Variants in NCAM1 observed in about 807,000 individuals in gnomAD.
NCAM1 encodes the protein neural cell adhesion molecule 1, also known as antigen recognized by monoclonal antibody 5.1H11.
A neutral mutation model predicts 109.8 loss-of-function variants in NCAM1; 14 were observed. That is an observed-to-expected ratio of 0.13 (90% CI 0.08 to 0.20). NCAM1 has a LOEUF of 0.20. NCAM1 is among the 10% of genes least tolerant of loss of function. NCAM1 has a pLI of 1.00. For synonymous variants in NCAM1, 418 were observed against 442.9 expected, an observed-to-expected ratio of 0.94 and a Z score of 0.70; for missense variants, 774 against 1,109.9, an observed-to-expected ratio of 0.70 and a Z score of 4.30.
chr11:113,066,897 C>T (rs1332406249), intron 1 of NCAM1, among the ~76,000 whole-genome samples: 2 of 149,404 alleles, frequency 1.3e-5, no homozygotes, highest in Non-Finnish European at 3.0e-5. Context: ...CCAGTTGCTC[C>T]GGAGGCTGAG....
chr11:113,271,709 G>A (rs1220382822), intron 18 of NCAM1, 51 bp from the exon 19 acceptor site: 428 of 1,403,854 alleles, frequency 3.0e-4, no homozygotes, highest in Non-Finnish European at 3.9e-4. Context: ...TTCCGTGGGA[G>A]CCCCTCCCTG....
intron 1 of NCAM1, 46 bp from the exon 2 acceptor site, chr11:113,202,332 GT>G (rs112087457): frequency 5.3e-5 from 73 of 1,383,446 alleles, no homozygotes; most frequent in South Asian, 2.4e-4. Flanking sequence ...AACTTTGTGG[GT>G]TTTTTTTTGT....
In NCAM1 at chr11:113,232,767, T is replaced by G; in HGVS notation, c.1475T>G (p.Val492Gly). 6.2e-7 allele frequency: 1 copy of G among 1,613,970 alleles called. No individual in the cohort carries two copies. The highest frequency in any genetic ancestry group is 8.5e-7 in the Non-Finnish European group (1 of 1,179,878). Reference protein sequence around the residue: ...NDFGNYNCTAVNRIGQESLEF... With the variant: ...NDFGNYNCTAGNRIGQESLEF... ...TTTGGGAACTACAACTGTACTGCAGTGAACCGCATTGGGCAGGAGTCCTTG... is the reference window on the plus strand; with the variant it reads ...TTTGGGAACTACAACTGTACTGCAGGGAACCGCATTGGGCAGGAGTCCTTG... Residue 492 changes from valine to glycine, a missense_variant, in exon 12 of 20, where the codon GTG becomes GGG. By Grantham distance (109) the Val-to-Gly change is moderately radical (BLOSUM62 -3). Around this residue, in one of 4 missense-constraint regions of NCAM1, gnomAD observed 523 missense variants for 784.2 expected, o/e 0.67. Coordinates refer to ENST00000316851, the MANE Select transcript of NCAM1 (RefSeq NM_181351.5).
At chr11:113,139,626 G>C (rs1284423631) in intron 1 of NCAM1, among the ~76,000 whole-genome samples, 1 of 151,942 alleles carries the variant, frequency 6.6e-6, no homozygotes, top group Non-Finnish European at 1.5e-5. Context: ...CTTAGCTAAA[G>C]TATTTGGTAT....
chr11:113,087,956 T>G (rs17114786), intron 1 of NCAM1, among the ~76,000 whole-genome samples: 7,765 of 152,268 alleles, frequency 0.051, 579 homozygotes, highest in Admixed American at 0.17. Context: ...AGTGCAGTGT[T>G]CTTTTCAGGT....
chr11:113,108,424 T>A (rs1176977229), intron 1 of NCAM1, among the ~76,000 whole-genome samples: 8 of 152,230 alleles, frequency 5.3e-5, no homozygotes, highest in Admixed American at 4.6e-4. Context: ...TCTCTGACTT[T>A]CGGGTAATTG....
At chr11:113,085,520 C>A (rs1380983998) in intron 1 of NCAM1, among the ~76,000 whole-genome samples, 1 of 152,120 alleles carries the variant, frequency 6.6e-6, no homozygotes, top group African/African-American at 2.4e-5. Context: ...CTTATTTTTT[C>A]TTTCTCCTCT....
intron 1 of NCAM1, among the ~76,000 whole-genome samples, chr11:113,095,435 T>C (rs1040651846): frequency 6.6e-6 from 1 of 152,122 alleles, no homozygotes; most frequent in Non-Finnish European, 1.5e-5. Context: ...GCTGAGCAAA[T>C]GAATAGCTAC....
At chr11:113,061,993 C>T (rs1322796669) in intron 1 of NCAM1, among the ~76,000 whole-genome samples, 1 of 152,134 alleles carries the variant, frequency 6.6e-6, no homozygotes, top group African/African-American at 2.4e-5. Flanking sequence ...AGAAAATGTG[C>T]AACCTGGCAT....
intron 1 of NCAM1, among the ~76,000 whole-genome samples, chr11:113,086,072 T>G (rs1305841503): frequency 6.6e-6 from 1 of 152,274 alleles, no homozygotes; most frequent in East Asian, 1.9e-4. Flanking sequence ...AATTTGCTTC[T>G]AACACCCAGA....
At chr11:113,239,499 C>CTTTTTTTTTTTTTTTTTTTTTTTT (rs55641415) in intron 14 of NCAM1, among the ~76,000 whole-genome samples, 1 of 110,198 alleles carries the variant, frequency 9.1e-6, no homozygotes, top group African/African-American at 3.6e-5. Flanking sequence ...TGAGTCTCTA[C>CTTTTTTTTTTTTTTTTTTTTTTTT]TTTTTTTTTT....
At chr11:112,974,206 T>C (rs1348677563) in intron 1 of NCAM1, among the ~76,000 whole-genome samples, 1 of 152,080 alleles carries the variant, frequency 6.6e-6, no homozygotes, top group East Asian at 1.9e-4. Context: ...TAGCATAGCA[T>C]CTTTTTCTTT....
At chr11:113,105,138 G>A (rs1303594275) in intron 1 of NCAM1, among the ~76,000 whole-genome samples, 3 of 152,206 alleles carry the variant, frequency 2.0e-5, no homozygotes, top group Admixed American at 6.5e-5. Context: ...GGATTTTGGA[G>A]GCTTGTGGGT....
In NCAM1 at chr11:113,241,444, A is replaced by C. The variant is rs552583159; in HGVS notation, c.1826-4924A>C. On this transcript the variant is annotated intron_variant, in intron 14 of 19. Coordinates refer to ENST00000316851, the MANE Select transcript of NCAM1 (RefSeq NM_181351.5). ...AGTGAGCCTTGTTTATCTCCTCTGT[A>C]AAATAGGATGAGTAGTCACCCACGT... Among the ~76,000 whole-genome samples the C allele has an allele frequency of 2.6e-5, 4 of 152,266 alleles. No individual in the cohort carries two copies. The East Asian group carries it at 7.7e-4, about 29-fold the overall frequency.
Position 113,096,856 on chromosome 11 carries a change from C to CT in NCAM1, c.53-105516dup, listed in dbSNP as rs1292218844. Reference sequence around the variant, plus strand: ...ACCATCCCCCAGATACACCCTCATGCTTTTTTTCCAGGTTCTGCTCACAAT... The same window carrying CT: ...ACCATCCCCCAGATACACCCTCATGCTTTTTTTTCCAGGTTCTGCTCACAAT... On this transcript the variant is annotated intron_variant, in intron 1 of 19. Transcript: ENST00000316851. 3.3e-5 allele frequency among the ~76,000 whole-genome samples: 5 copies of CT among 151,970 alleles called. No homozygotes were observed. The East Asian group carries it at 5.8e-4, about 18-fold the overall frequency.
chr11:113,133,382 C>T (rs1941481294), intron 1 of NCAM1: 1 of 152,172 alleles, frequency 6.6e-6, no homozygotes, highest in South Asian at 2.1e-4. Context: ...GCTTTCCAAC[C>T]TGATGATGTG....
chr11:113,232,881 TGTGTACTTGA>T (rs1945051377), intron 12 of NCAM1, 67 bp downstream of exon 12: 3 of 1,375,106 alleles, frequency 2.2e-6, no homozygotes, highest in Admixed American at 3.4e-5. Context: ...CAGCCCAATT[TGTGTACTTGA>T]GTGATTCCAG....
chr11:113,268,528 A>G (rs598026), intron 17 of NCAM1, among the ~76,000 whole-genome samples: 25,690 of 152,112 alleles, frequency 0.17, 2,593 homozygotes, highest in African/African-American at 0.28. Context: ...CTCAGGAGTC[A>G]TTTGTGAGGG....
intron 17 of NCAM1, among the ~76,000 whole-genome samples, chr11:113,268,339 G>A (rs781871063): frequency 6.6e-5 from 10 of 152,352 alleles, no homozygotes; most frequent in South Asian, 4.1e-4. Flanking sequence ...AGAGACAGGT[G>A]TCCAGAGCTG....
Sources: allele counts gnomAD v4.1 joint callset (sites outside exome capture counted in the v4.1 genomes callset), GRCh38; gene constraint gnomAD v4.1.1; regional missense constraint gnomAD v4.1.1; transcripts MANE v1.5; gene names NCBI Gene and HGNC (gene_info 2026-07-23, HGNC 2026-07-21).